Variants in PAK3 observed in about 807,000 individuals in gnomAD.
PAK3 encodes p21 (RAC1) activated kinase 3.
Under a neutral mutation model 41.0 loss-of-function variants are expected in PAK3, and 4 were observed. The ratio of observed to expected loss-of-function variants is 0.10; its 90% CI spans 0.05 to 0.22. PAK3 has a LOEUF of 0.22. PAK3 is among the 10% of genes least tolerant of loss of function. The probability of loss-of-function intolerance (pLI) is 1.00; values close to 1 mark genes in which losing one functional copy is unlikely to be tolerated. For missense variants in PAK3, 205 were observed against 409.9 expected, an observed-to-expected ratio of 0.50 and a Z score of 4.32; for synonymous variants, 146 against 139.6, an observed-to-expected ratio of 1.05 and a Z score of -0.32.
intron 11 of PAK3, among the ~76,000 whole-genome samples, chrX:111,179,835 T>G (rs887767154): frequency 8.9e-6 from 1 of 111,906 alleles, no homozygotes; most frequent in Non-Finnish European, 1.9e-5. Context: ...AACTTGCTCT[T>G]CTAACTTCCA....
chrX:111,007,782 T>A (rs2091954328), intron 1 of PAK3, among the ~76,000 whole-genome samples: 1 of 111,876 alleles, frequency 8.9e-6, no homozygotes, highest in Non-Finnish European at 1.9e-5. Flanking sequence ...GTTATTTATA[T>A]CTTCCTTGTT....
intron 6 of PAK3, among the ~76,000 whole-genome samples, chrX:111,142,851 A>G (rs1195298234): frequency 2.7e-5 from 3 of 111,113 alleles, no homozygotes; most frequent in African/African-American, 9.8e-5. Flanking sequence ...ACATACCAAT[A>G]AGAATTCGCT....
chrX:110,963,452 A>AT (rs1174780688), intron 1 of PAK3, among the ~76,000 whole-genome samples: 1 of 111,867 alleles, frequency 8.9e-6, no homozygotes, highest in Non-Finnish European at 1.9e-5. Context: ...ACTCTTACCT[A>AT]TAAAAAGGGA....
chrX:111,158,037 A>G (rs1279899303), intron 8 of PAK3, among the ~76,000 whole-genome samples: 1 of 112,060 alleles, frequency 8.9e-6, no homozygotes, highest in Non-Finnish European at 1.9e-5. Context: ...AGCTATGTTT[A>G]TTAAACTTAG....
intron 1 of PAK3, among the ~76,000 whole-genome samples, chrX:110,976,139 A>T (rs2091323660): frequency 8.9e-6 from 1 of 112,429 alleles, no homozygotes; most frequent in African/African-American, 3.2e-5. Flanking sequence ...GAGCTTCTGC[A>T]TGGCAAACAA....
intron 1 of PAK3, among the ~76,000 whole-genome samples, chrX:110,949,886 G>T (rs909451810): frequency 9.0e-6 from 1 of 111,643 alleles, no homozygotes; most frequent in African/African-American, 3.3e-5. Flanking sequence ...GTCCAGAAAG[G>T]ATGGCAATCA....
At chrX:111,128,742 T>C (rs964619563) in intron 5 of PAK3, among the ~76,000 whole-genome samples, 3 of 112,229 alleles carry the variant, frequency 2.7e-5, no homozygotes, top group Non-Finnish European at 5.6e-5. Flanking sequence ...CATATCTGAA[T>C]TTCAGAAGAG....
chrX:111,090,541 T>A (rs749471332), intron 1 of PAK3, among the ~76,000 whole-genome samples: 6 of 111,792 alleles, frequency 5.4e-5, no homozygotes, highest in Non-Finnish European at 9.4e-5. Flanking sequence ...CCATTTCAGA[T>A]GGTTGGGTGT....
Position 111,122,985 on chromosome X carries a change from G to C in PAK3, c.-27-92G>C. 14 of 602,922 alleles carry C rather than the reference G, an allele frequency of 2.3e-5. No individual in the cohort carries two copies. In the South Asian group the frequency reaches 3.2e-4, roughly 14 times the overall value. The allele number at this position is 602,922 out of a possible 1,213,427, so 49.7% of individuals were successfully genotyped here. On this transcript the variant is annotated intron_variant, in intron 4 of 17. Coordinates refer to ENST00000372007, the MANE Select transcript of PAK3 (RefSeq NM_002578.5). The stretch of plus-strand genomic sequence containing the variant: ...AAACCTGAGAAAACATGAGAGCAAT[G>C]CTTTTGTTTCTAAGATGTTAGAATC...
chrX:111,028,386 AC>A (rs1441665201), intron 1 of PAK3, among the ~76,000 whole-genome samples: 2 of 110,356 alleles, frequency 1.8e-5, no homozygotes, highest in Non-Finnish European at 3.8e-5. Context: ...TTCCCCAAAA[AC>A]GTATTGAAAT....
rs1050462989 is a variant in PAK3 at position 111,103,247 on chromosome X, G to C, written c.-87G>C. 8.9e-6 allele frequency: 1 copy of C among 112,131 alleles called. No individual in the cohort carries two copies. The highest frequency in any genetic ancestry group is 1.9e-5 in the Non-Finnish European group (1 of 53,255). The allele number at this position is 112,131 out of a possible 1,213,427, so 9.2% of individuals were successfully genotyped here. Reference sequence around the variant, plus strand: ...AGTCTGTAGGAGCTGAAGCCAGCCCGGACCCTTCTCATGGGCAGTGCCCAC... The same window carrying C: ...AGTCTGTAGGAGCTGAAGCCAGCCCCGACCCTTCTCATGGGCAGTGCCCAC... On this transcript the variant is annotated 5_prime_UTR_variant, in exon 4 of 18. Coordinates refer to ENST00000372007, the MANE Select transcript of PAK3 (RefSeq NM_002578.5).
chrX:110,986,777 GTGTA>G (rs1345362178), intron 1 of PAK3, among the ~76,000 whole-genome samples: 2 of 110,897 alleles, frequency 1.8e-5, no homozygotes, highest in African/African-American at 6.6e-5. Flanking sequence ...GTGTGTGTGT[GTGTA>G]TGTGTGTGTC....
chrX:111,080,140 G>C (rs2092822270), intron 1 of PAK3, among the ~76,000 whole-genome samples: 1 of 112,306 alleles, frequency 8.9e-6, no homozygotes. Flanking sequence ...GCATCAGCAG[G>C]GTTGGAGATC....
At chrX:110,946,211 T>C (rs1050245639) in intron 1 of PAK3, among the ~76,000 whole-genome samples, 1 of 110,949 alleles carries the variant, frequency 9.0e-6, no homozygotes, top group African/African-American at 3.3e-5. Flanking sequence ...AAGTGGAAAA[T>C]GGTATCCTAA....
intron 8 of PAK3, among the ~76,000 whole-genome samples, chrX:111,162,036 G>T (rs757404852): frequency 1.8e-5 from 2 of 111,498 alleles, no homozygotes; most frequent in Admixed American, 1.9e-4. Flanking sequence ...AATACAGATC[G>T]CTGGGCTCCA....
At chrX:111,199,921 T>C (rs2094660895) in intron 16 of PAK3, among the ~76,000 whole-genome samples, 1 of 111,891 alleles carries the variant, frequency 8.9e-6, no homozygotes, top group Admixed American at 9.5e-5. Context: ...AAGTGAGCCA[T>C]AGGTATTTTG....
chrX:111,020,335 T>G (rs1602832416), intron 1 of PAK3, among the ~76,000 whole-genome samples: 1 of 112,129 alleles, frequency 8.9e-6, no homozygotes, highest in South Asian at 3.7e-4. Context: ...TTGTATAAAG[T>G]ACTTAGAGTA....
At chrX:111,181,549 C>A (rs185776123) in intron 11 of PAK3, among the ~76,000 whole-genome samples, 8 of 111,345 alleles carry the variant, frequency 7.2e-5, no homozygotes, top group Admixed American at 1.9e-4. Flanking sequence ...AGGTATTTTT[C>A]AGACTTATCT....
rs776358030 is a variant in PAK3 at position 111,073,271 on chromosome X, A to G, written c.-27-49806A>G. ...CTGATAGTAGAAAATGCCTACATCAAAAAAGAAGATCTTAAATAAATAACC... is the reference window on the plus strand; with the variant it reads ...CTGATAGTAGAAAATGCCTACATCAGAAAAGAAGATCTTAAATAAATAACC... On this transcript the variant is annotated intron_variant, in intron 1 of 14. Coordinates refer to the PAK3 transcript ENST00000425146. 4.5e-5 allele frequency among the ~76,000 whole-genome samples: 5 copies of G among 112,126 alleles called. No homozygotes were observed. The South Asian group carries it at 1.5e-3, about 34-fold the overall frequency.
Sources: gnomAD v4.1 joint callset for allele counts (sites outside exome capture counted in the v4.1 genomes callset) on GRCh38, gnomAD v4.1.1 for gene constraint, MANE v1.5 for transcripts, NCBI Gene and HGNC (gene_info 2026-07-23, HGNC 2026-07-21) for gene names.